The following PDE1C variants were observed in gnomAD, a reference collection of about 807,000 sequenced individuals.
PDE1C encodes the protein dual specificity calcium/calmodulin-dependent 3',5'-cyclic nucleotide phosphodiesterase 1C.
PDE1C carries 62 observed loss-of-function variants against 93.1 expected under a neutral mutation model. That is an observed-to-expected ratio of 0.67 (90% confidence interval 0.54 to 0.82). The LOEUF is 0.82. Among genes scored for constraint, PDE1C ranks in the 40% least tolerant of loss-of-function variants. The probability of loss-of-function intolerance (pLI) is 0.00; values close to 1 mark genes in which losing one functional copy is unlikely to be tolerated. For missense variants in PDE1C, 742 were observed against 884.6 expected (o/e 0.84, Z 2.04); for synonymous variants, 325 against 310.1 (o/e 1.05, Z -0.50).
At chr7:31,743,575 G>GCA in the PDE1C span, among the ~76,000 whole-genome samples, 3,007 of 147,896 alleles carry the variant, frequency 0.02, 95 homozygotes, top group African/African-American at 0.069. Flanking sequence ...GTGTGTGTGC[G>GCA]CACACACACA....
At chr7:31,998,358 A>G (rs1233511417) in intron 2 of PDE1C, among the ~76,000 whole-genome samples, 1 of 152,190 alleles carries the variant, frequency 6.6e-6, no homozygotes, top group Non-Finnish European at 1.5e-5. Flanking sequence ...ACCAGATGGA[A>G]AAATGAATGC....
intron 1 of PDE1C, among the ~76,000 whole-genome samples, chr7:32,380,416 T>G (rs1424178325): frequency 6.6e-6 from 1 of 150,396 alleles, no homozygotes; most frequent in African/African-American, 2.4e-5. Flanking sequence ...TTTTTTTTTT[T>G]TTTGTATTTT....
chr7:32,097,032 A>G (rs1479402694), intron 3 of PDE1C, among the ~76,000 whole-genome samples: 1 of 152,256 alleles, frequency 6.6e-6, no homozygotes, highest in Non-Finnish European at 1.5e-5. Flanking sequence ...AGAAGAGCTA[A>G]TATTTCCATC....
the PDE1C span, among the ~76,000 whole-genome samples, chr7:31,665,724 C>A: frequency 1.3e-5 from 2 of 152,216 alleles, no homozygotes; most frequent in East Asian, 3.9e-4. Context: ...ACCCTTTTGG[C>A]GAATAGCTCA....
chr7:31,894,162 C>G (rs970644426), intron 2 of PDE1C, among the ~76,000 whole-genome samples: 1 of 152,236 alleles, frequency 6.6e-6, no homozygotes, highest in African/African-American at 2.4e-5. Flanking sequence ...ACATTTGCTA[C>G]TGACTCTCTC....
At chr7:31,843,406 A>G (rs1583568460) in intron 9 of PDE1C, among the ~76,000 whole-genome samples, 3 of 152,060 alleles carry the variant, frequency 2.0e-5, no homozygotes, top group Admixed American at 6.6e-5. Flanking sequence ...TTTATGACTG[A>G]TGTATCTTTC....
At chr7:31,639,571 C>G in the PDE1C span, among the ~76,000 whole-genome samples, 9 of 136,810 alleles carry the variant, frequency 6.6e-5, no homozygotes, top group Non-Finnish European at 9.2e-5. Flanking sequence ...GAGTCTCACT[C>G]TGTCTCCCAG....
chr7:32,204,561 G>A (rs1046263942), intron 2 of PDE1C, among the ~76,000 whole-genome samples: 2 of 152,216 alleles, frequency 1.3e-5, no homozygotes, highest in African/African-American at 4.8e-5. Context: ...CTCTAGAGGA[G>A]AGGGATGCCA....
chr7:32,044,078 C>G (rs901706973), intron 2 of PDE1C, among the ~76,000 whole-genome samples: 8 of 152,070 alleles, frequency 5.3e-5, no homozygotes, highest in Non-Finnish European at 1.2e-4. Context: ...AGCATATTCC[C>G]CACTTAAAAA....
chr7:31,903,389 C>T (rs969241858), intron 2 of PDE1C, among the ~76,000 whole-genome samples: 8 of 151,786 alleles, frequency 5.3e-5, no homozygotes, highest in African/African-American at 1.9e-4. Flanking sequence ...CCTATTTTTA[C>T]AAAAAGTCAT....
At chr7:31,881,191 A>C (rs1207272764) in intron 2 of PDE1C, among the ~76,000 whole-genome samples, 1 of 152,218 alleles carries the variant, frequency 6.6e-6, no homozygotes, top group Non-Finnish European at 1.5e-5. Flanking sequence ...AAGCCTGACC[A>C]GCAGCAAAAT....
intron 2 of PDE1C, among the ~76,000 whole-genome samples, chr7:32,001,591 C>G (rs967458822): frequency 6.6e-6 from 1 of 152,158 alleles, no homozygotes; most frequent in African/African-American, 2.4e-5. Context: ...AAACCAACAC[C>G]CACAGGAATG....
the PDE1C span, among the ~76,000 whole-genome samples, chr7:31,670,429 A>C: frequency 6.6e-6 from 1 of 152,204 alleles, no homozygotes; most frequent in Non-Finnish European, 1.5e-5. Context: ...TTAATCAATT[A>C]TAAATCTGCT....
chr7:32,155,147 G>T (rs1209879655), intron 3 of PDE1C, among the ~76,000 whole-genome samples: 2 of 152,222 alleles, frequency 1.3e-5, no homozygotes, highest in Non-Finnish European at 2.9e-5. Flanking sequence ...AGAGAACACA[G>T]ACCTTCTGCC....
intron 1 of PDE1C, among the ~76,000 whole-genome samples, chr7:32,267,204 G>A (rs1021734221): frequency 6.6e-6 from 1 of 152,206 alleles, no homozygotes. Flanking sequence ...AAGGAGACCG[G>A]GTCAGAAAGG....
At chr7:31,922,553 T>C (rs916296472) in intron 2 of PDE1C, among the ~76,000 whole-genome samples, 1 of 152,202 alleles carries the variant, frequency 6.6e-6, no homozygotes, top group Non-Finnish European at 1.5e-5. Context: ...AAGACTTTAA[T>C]CTATGCACAA....
chr7:32,341,180 T>TATTTTTTTTTTTTTTTA (rs1562682213), intron 1 of PDE1C, among the ~76,000 whole-genome samples: 2 of 112,486 alleles, frequency 1.8e-5, no homozygotes, highest in Non-Finnish European at 3.8e-5. Context: ...AGTCTTTTTT[T>TATTTTTTTTTTTTTTTA]TTTTTTTTTT....
the PDE1C span, among the ~76,000 whole-genome samples, chr7:31,631,119 G>A: frequency 6.6e-6 from 1 of 152,112 alleles, no homozygotes; most frequent in Non-Finnish European, 1.5e-5. Context: ...GCAGTTTTAT[G>A]GCTAAGCTCT....
chr7:32,214,244 G>C (rs1198060604), intron 1 of PDE1C, among the ~76,000 whole-genome samples: 1 of 151,884 alleles, frequency 6.6e-6, no homozygotes, highest in Non-Finnish European at 1.5e-5. Context: ...ATATGTTTTA[G>C]ATTCTGATTT....
Sources: gnomAD v4.1 joint callset for allele counts (sites outside exome capture counted in the v4.1 genomes callset) on GRCh38, gnomAD v4.1.1 for gene constraint, MANE v1.5 for transcripts, NCBI Gene and HGNC (gene_info 2026-07-23, HGNC 2026-07-21) for gene names.